Variants in SNTB1 observed in about 807,000 individuals in gnomAD.
SNTB1 encodes the protein syntrophin beta 1.
SNTB1 carries 36 observed loss-of-function variants against 48.9 expected under a neutral mutation model. The observed-to-expected ratio is 0.74, with a 90% CI of 0.56 to 0.97. The LOEUF (loss-of-function observed/expected upper bound fraction) is 0.97, where lower values mean the gene tolerates loss of function less well. SNTB1 is among the 50% of genes least tolerant of loss of function. SNTB1 has a pLI of 0.00. For synonymous variants in SNTB1, 299 were observed against 294.6 expected (o/e 1.01, Z -0.15); for missense variants, 786 against 703.4 (o/e 1.12, Z -1.33).
At chr8:120,698,894 T>C in intron 1 of SNTB1, among the ~76,000 whole-genome samples, 1 of 152,182 alleles carries the variant, frequency 6.6e-6, no homozygotes, top group Non-Finnish European at 1.5e-5. Context: ...GCAATCAAAA[T>C]AGTTAGGATA....
intron 2 of SNTB1, chr8:120,654,742 GC>G (rs1817470609): frequency 3.7e-6 from 1 of 268,988 alleles, no homozygotes; most frequent in Non-Finnish European, 7.3e-6. Flanking sequence ...CTTTCATGGA[GC>G]CAAGTGATAT....
At chr8:120,600,969 A>G (rs1156382853) in intron 3 of SNTB1, among the ~76,000 whole-genome samples, 1 of 152,132 alleles carries the variant, frequency 6.6e-6, no homozygotes, top group Non-Finnish European at 1.5e-5. Context: ...GGGAAGGAAA[A>G]GCAAACAGCT....
At chr8:120,580,439 A>G (rs542668487) in intron 3 of SNTB1, among the ~76,000 whole-genome samples, 2 of 152,320 alleles carry the variant, frequency 1.3e-5, no homozygotes, top group Admixed American at 1.3e-4. Flanking sequence ...CAAATGAGAC[A>G]ATGTATATAA....
chr8:120,653,162 T>C (rs1367014022), intron 2 of SNTB1, among the ~76,000 whole-genome samples: 1 of 152,202 alleles, frequency 6.6e-6, no homozygotes, highest in Non-Finnish European at 1.5e-5. Context: ...AACCTCAGGA[T>C]GTGACTTTAT....
chr8:120,686,886 T>C (rs983942184), intron 2 of SNTB1, among the ~76,000 whole-genome samples: 1 of 152,148 alleles, frequency 6.6e-6, no homozygotes, highest in Non-Finnish European at 1.5e-5. Context: ...ATTCTGGCAA[T>C]AGTTTCCATT....
intron 5 of SNTB1, among the ~76,000 whole-genome samples, chr8:120,543,543 A>G (rs992353239): frequency 6.6e-6 from 1 of 152,156 alleles, no homozygotes; most frequent in Non-Finnish European, 1.5e-5. Flanking sequence ...GGCTTTCAAA[A>G]TTCAAATTCT....
chr8:120,631,361 T>C (rs576064041), intron 3 of SNTB1, among the ~76,000 whole-genome samples: 2 of 152,242 alleles, frequency 1.3e-5, no homozygotes, highest in South Asian at 4.1e-4. Flanking sequence ...GATAGGACAA[T>C]ACCAAGCCCA....
chr8:120,548,723 C>A lies in SNTB1; in HGVS notation c.1333+39G>T. ...CGGTGGAGTAGAGGGTTCATCTTCC[C>A]GTAACAATGTGTCCTTGGTAGCTCA... On this transcript the variant is annotated intron_variant, in intron 5 of 6. Transcript: ENST00000517992. The A allele has an allele frequency of 1.9e-6, 3 of 1,592,768 alleles. No individual in the cohort carries two copies. In the South Asian group the frequency reaches 3.3e-5, roughly 18 times the overall value.
At chr8:120,776,021 A>T (rs534015134) in intron 1 of SNTB1, among the ~76,000 whole-genome samples, 2 of 152,342 alleles carry the variant, frequency 1.3e-5, no homozygotes, top group South Asian at 2.1e-4. Flanking sequence ...ATTGTGGAAG[A>T]CAGTGTGGCA....
At chr8:120,809,035 G>A (rs1185810609) in intron 1 of SNTB1, among the ~76,000 whole-genome samples, 1 of 152,148 alleles carries the variant, frequency 6.6e-6, no homozygotes, top group Non-Finnish European at 1.5e-5. Context: ...TTCAGAATAC[G>A]AAGAAGTAGG....
chr8:120,619,128 T>C (rs1005214383), intron 3 of SNTB1, among the ~76,000 whole-genome samples: 2 of 152,184 alleles, frequency 1.3e-5, no homozygotes, highest in African/African-American at 4.8e-5. Flanking sequence ...ACAGCAATTA[T>C]GAATACATTA....
chr8:120,717,427 C>T (rs1256126281), intron 1 of SNTB1, among the ~76,000 whole-genome samples: 1 of 152,204 alleles, frequency 6.6e-6, no homozygotes, highest in Non-Finnish European at 1.5e-5. Context: ...GCTTGGGTGA[C>T]TCCAGTGGCC....
chr8:120,606,819 A>G (rs1471196125), intron 3 of SNTB1, among the ~76,000 whole-genome samples: 2 of 152,186 alleles, frequency 1.3e-5, no homozygotes, highest in Non-Finnish European at 2.9e-5. Flanking sequence ...TTAACAAGAA[A>G]CCACAAAAAA....
intron 3 of SNTB1, among the ~76,000 whole-genome samples, chr8:120,618,862 C>T (rs1398358253): frequency 6.6e-6 from 1 of 152,124 alleles, no homozygotes; most frequent in Admixed American, 6.5e-5. Flanking sequence ...AGTTGGTTTC[C>T]ACATTTCTGA....
At chr8:120,748,206 T>A (rs562346297) in intron 1 of SNTB1, among the ~76,000 whole-genome samples, 1 of 152,322 alleles carries the variant, frequency 6.6e-6, no homozygotes, top group South Asian at 2.1e-4. Flanking sequence ...ACAGTGGACA[T>A]CCTGTCCATT....
In SNTB1 at chr8:120,701,592, C is replaced by T. The variant is rs1818309880; in HGVS notation, c.572-7684G>A. Among the ~76,000 whole-genome samples, 3 of 152,312 alleles carry T rather than the reference C, an allele frequency of 2.0e-5. No homozygotes were observed. In the East Asian group the frequency reaches 5.8e-4, roughly 29 times the overall value. On this transcript the variant is annotated intron_variant, in intron 1 of 6. Coordinates refer to ENST00000517992, the MANE Select transcript of SNTB1 (RefSeq NM_021021.4). Reference sequence around the variant, plus strand: ...TGTCTTCTCACTTTTTAACCAAAACCTACAGGCACCTGACAAATAGGAATA... The same window carrying T: ...TGTCTTCTCACTTTTTAACCAAAACTTACAGGCACCTGACAAATAGGAATA...
chr8:120,728,566 C>T (rs1018994882), intron 1 of SNTB1, among the ~76,000 whole-genome samples: 7 of 152,146 alleles, frequency 4.6e-5, no homozygotes, highest in African/African-American at 1.4e-4. Context: ...GTTTAGCTCC[C>T]GCTTATAAGT....
chr8:120,704,422 C>T (rs1419292028), intron 1 of SNTB1, among the ~76,000 whole-genome samples: 3 of 151,840 alleles, frequency 2.0e-5, no homozygotes, highest in African/African-American at 7.3e-5. Context: ...TGCCACTGCA[C>T]TCCAGCCTGT....
chr8:120,681,778 C>T lies in SNTB1; in HGVS notation c.788+11914G>A, dbSNP rs550426606. The stretch of plus-strand genomic sequence containing the variant: ...TTCTCACCAGTTGACATCCCCCTCC[C>T]CACTCCCCACATAGGTTCCAACATG... On this transcript the variant is annotated intron_variant, in intron 2 of 6. Transcript: ENST00000517992. Among the ~76,000 whole-genome samples the T allele has an allele frequency of 2.6e-5, 4 of 152,218 alleles. No homozygotes were observed. In the South Asian group the frequency reaches 8.3e-4, roughly 32 times the overall value.
Sources: allele counts gnomAD v4.1 joint callset (sites outside exome capture counted in the v4.1 genomes callset), GRCh38; gene constraint gnomAD v4.1.1; transcripts MANE v1.5; gene names NCBI Gene and HGNC (gene_info 2026-07-23, HGNC 2026-07-21).